MCTP1: variants seen among roughly 807,000 people sequenced by gnomAD.
MCTP1 encodes multiple C2 and transmembrane domain-containing protein 1.
In MCTP1, 69 loss-of-function variants were observed where a neutral mutation model predicts 120.6. The ratio of observed to expected loss-of-function variants is 0.57; its 90% CI spans 0.47 to 0.70. MCTP1 has a LOEUF of 0.70. Ranked by LOEUF, MCTP1 falls within the 30% of genes least tolerant of loss-of-function variation. The pLI is 0.00. For synonymous variants in MCTP1, 529 were observed against 493.1 expected, an observed-to-expected ratio of 1.07 and a Z score of -0.96; for missense variants, 1,203 against 1,248.8, an observed-to-expected ratio of 0.96 and a Z score of 0.55.
At chr5:94,785,072 G>T (rs1218490395) in intron 18 of MCTP1, among the ~76,000 whole-genome samples, 1 of 152,042 alleles carries the variant, frequency 6.6e-6, no homozygotes, top group Non-Finnish European at 1.5e-5. Flanking sequence ...AAGGTGCAAA[G>T]ACAGTAAATT....
At chr5:94,995,694 A>G (rs7715499) in intron 2 of MCTP1, among the ~76,000 whole-genome samples, 47,044 of 152,072 alleles carry the variant, frequency 0.31, 7,984 homozygotes, top group African/African-American at 0.43. Flanking sequence ...AAATCAGCAA[A>G]ATTGTATAGT....
chr5:95,068,867 A>G (rs947705202), intron 1 of MCTP1: 13 of 1,136,284 alleles, frequency 1.1e-5, no homozygotes, highest in Admixed American at 3.1e-5. Context: ...GTAATATTGT[A>G]CCTAGGGACA....
In MCTP1 at chr5:95,120,176, C is replaced by CAAAAAAAAAAA. The variant is rs56354602; in HGVS notation, c.721-102703_721-102693dup. 1.7e-5 allele frequency among the ~76,000 whole-genome samples: 2 copies of CAAAAAAAAAAA among 118,226 alleles called. 1 individual carries two copies. The highest frequency in any genetic ancestry group is 6.8e-5 in the African/African-American group (2 of 29,504). The allele number at this position is 118,226 out of a possible 152,430, so 77.6% of individuals were successfully genotyped here. On this transcript the variant is annotated intron_variant, in intron 1 of 22. Transcript: ENST00000515393. Reference sequence around the variant, plus strand: ...TGGGCGACAGAGCAAGACTCCATCTCAAAAAAAAAAAAAAAAAGTCTCCCA... The same window carrying CAAAAAAAAAAA: ...TGGGCGACAGAGCAAGACTCCATCTCAAAAAAAAAAAAAAAAAAAAAAAAAAAAGTCTCCCA...
intron 1 of MCTP1, among the ~76,000 whole-genome samples, chr5:95,166,753 G>C (rs1746434713): frequency 6.6e-6 from 1 of 151,878 alleles, no homozygotes; most frequent in Non-Finnish European, 1.5e-5. Flanking sequence ...ATTTTTAGTA[G>C]AGATGGGGTT....
intron 17 of MCTP1, among the ~76,000 whole-genome samples, chr5:94,803,957 A>G (rs1781730718): frequency 6.6e-6 from 1 of 152,182 alleles, no homozygotes; most frequent in African/African-American, 2.4e-5. Flanking sequence ...TTAAAAAAAC[A>G]TGGGGCATAG....
intron 2 of MCTP1, among the ~76,000 whole-genome samples, chr5:95,002,768 G>T (rs1472152137): frequency 2.0e-5 from 3 of 152,082 alleles, no homozygotes; most frequent in Non-Finnish European, 2.9e-5. Context: ...TGGACTTTTG[G>T]GTTAATGCTG....
chr5:94,809,249 G>GT (rs967122816), intron 17 of MCTP1, among the ~76,000 whole-genome samples: 1,503 of 145,672 alleles, frequency 0.01, 14 homozygotes, highest in African/African-American at 0.031. Context: ...TTATTTAAAT[G>GT]TTTTTTTTTT....
At chr5:94,760,496 T>C (rs937671598) in intron 19 of MCTP1, among the ~76,000 whole-genome samples, 4 of 152,186 alleles carry the variant, frequency 2.6e-5, no homozygotes, top group Non-Finnish European at 4.4e-5. Flanking sequence ...ACAGATGCTG[T>C]CCTCTTCCCA....
intron 1 of MCTP1, among the ~76,000 whole-genome samples, chr5:95,079,577 T>G (rs1469212388): frequency 2.0e-5 from 3 of 152,142 alleles, no homozygotes; most frequent in South Asian, 2.1e-4. Context: ...GTATAGTTCT[T>G]GGAATCAAAG....
intron 1 of MCTP1, among the ~76,000 whole-genome samples, chr5:95,049,653 C>T (rs893360923): frequency 2.6e-5 from 4 of 152,146 alleles, no homozygotes; most frequent in African/African-American, 9.7e-5. Context: ...TCACTTAGCC[C>T]TCTATATAGT....
At chr5:94,988,569 A>G (rs933354290) in intron 2 of MCTP1, among the ~76,000 whole-genome samples, 2 of 150,284 alleles carry the variant, frequency 1.3e-5, no homozygotes, top group African/African-American at 4.9e-5. Context: ...TTCGAAAACA[A>G]CTTGGCATTT....
chr5:94,862,550 G>C lies in MCTP1; in HGVS notation c.2436+5783C>G, dbSNP rs550750768. ...AACTAGAGCCTCACTCCTCAGGAAA[G>C]ATTACAGAAAATATTTGGTTCTGTT... is the stretch of plus-strand genomic sequence containing the variant. On this transcript the variant is annotated intron_variant, in intron 17 of 22. Transcript: ENST00000515393. Among the ~76,000 whole-genome samples, 9 of 151,894 alleles carry C rather than the reference G, an allele frequency of 5.9e-5. 1 individual carries two copies. In the South Asian group the frequency reaches 1.9e-3, roughly 31 times the overall value.
chr5:95,199,049 T>C (rs1750707019), intron 1 of MCTP1, among the ~76,000 whole-genome samples: 1 of 152,250 alleles, frequency 6.6e-6, no homozygotes, highest in Non-Finnish European at 1.5e-5. Flanking sequence ...TTTTCTCTTA[T>C]AGTTTTTGAA....
intron 17 of MCTP1, among the ~76,000 whole-genome samples, chr5:94,807,030 T>C (rs1782480928): frequency 6.6e-6 from 1 of 152,250 alleles, no homozygotes; most frequent in African/African-American, 2.4e-5. Flanking sequence ...TTCACAGTAT[T>C]AACCCATTTT....
chr5:94,742,841 G>A (rs1765832013), intron 19 of MCTP1, among the ~76,000 whole-genome samples: 1 of 151,972 alleles, frequency 6.6e-6, no homozygotes, highest in African/African-American at 2.4e-5. Context: ...ACCTACTTCA[G>A]GCAATAATTC....
rs1752939855 is a variant in MCTP1, at chr5:95,215,501, T to C, written c.720+68355A>G. On this transcript the variant is annotated intron_variant, in intron 1 of 22. Coordinates refer to ENST00000515393, the MANE Select transcript of MCTP1 (RefSeq NM_024717.7). Reference sequence around the variant, plus strand: ...GAGGAGAGGCCATACAATACAATTCTGGCCAATGACATTTAATTGGATTGA... The same window carrying C: ...GAGGAGAGGCCATACAATACAATTCCGGCCAATGACATTTAATTGGATTGA... 2.0e-5 allele frequency among the ~76,000 whole-genome samples: 3 copies of C among 152,190 alleles called. No homozygotes were observed. The South Asian group carries it at 6.2e-4, about 32-fold the overall frequency.
At chr5:94,806,776 C>T (rs945272503) in intron 17 of MCTP1, among the ~76,000 whole-genome samples, 1 of 152,218 alleles carries the variant, frequency 6.6e-6, no homozygotes, top group African/African-American at 2.4e-5. Flanking sequence ...AGACTAACAG[C>T]TGTGGATCAT....
rs564327449 is a variant in MCTP1 at position 95,081,635 on chromosome 5, C to A, written c.721-64151G>T. The A allele has an allele frequency of 2.9e-5, 39 of 1,325,366 alleles. 1 individual carries two copies. The South Asian group carries it at 8.1e-4, about 27-fold the overall frequency. 82.1% of individuals were successfully genotyped at this position (1,325,366 alleles called of 1,614,324 possible). A position where few individuals can be genotyped will look rare whatever the true frequency, so the allele number is the denominator to read the frequency against. ...GAGCACTTGCTGCTCTGCACAGCAG[C>A]GACTTGGAATGAAAGTAAGAAGAAC... is the stretch of plus-strand genomic sequence containing the variant. On this transcript the variant is annotated intron_variant, in intron 1 of 22. Coordinates refer to ENST00000515393, the MANE Select transcript of MCTP1 (RefSeq NM_024717.7).
intron 2 of MCTP1, among the ~76,000 whole-genome samples, chr5:94,983,782 C>T (rs1237681981): frequency 6.6e-6 from 1 of 152,172 alleles, no homozygotes; most frequent in Non-Finnish European, 1.5e-5. Context: ...CAATTACATG[C>T]TTTTCAATTT....
Sources: allele counts gnomAD v4.1 joint callset (sites outside exome capture counted in the v4.1 genomes callset), GRCh38; gene constraint gnomAD v4.1.1; transcripts MANE v1.5; gene names NCBI Gene and HGNC (gene_info 2026-07-23, HGNC 2026-07-21).